GRIA1: variants seen among roughly 807,000 people sequenced by gnomAD.
The protein encoded by GRIA1 is glutamate ionotropic receptor AMPA type subunit 1, also known as glutamate receptor 1.
GRIA1 carries 31 observed loss-of-function variants against 99.2 expected under a neutral mutation model. The ratio of observed to expected loss-of-function variants is 0.31; its 90% confidence interval spans 0.23 to 0.42. The LOEUF is 0.42. Ranked by LOEUF, GRIA1 falls within the 10% of genes least tolerant of loss-of-function variation. The pLI is 1.00. For synonymous variants in GRIA1, 438 were observed against 432.4 expected, an observed-to-expected ratio of 1.01 and a Z score of -0.16; for missense variants, 782 against 1,157.5, an observed-to-expected ratio of 0.68 and a Z score of 4.71.
intron 5 of GRIA1, among the ~76,000 whole-genome samples, chr5:153,660,669 A>C (rs1174115632): frequency 6.6e-6 from 1 of 152,096 alleles, no homozygotes; most frequent in Non-Finnish European, 1.5e-5. Context: ...CATTTACTCC[A>C]TGGTTTAGGT....
intron 10 of GRIA1, 40 bp from the exon 11 acceptor site, chr5:153,705,657 C>T (rs1432757473): frequency 7.5e-7 from 1 of 1,331,272 alleles, no homozygotes; most frequent in African/African-American, 1.7e-5. Context: ...GCTGAGCTCA[C>T]CTGCATTTTT....
intron 2 of GRIA1, among the ~76,000 whole-genome samples, chr5:153,595,160 G>A (rs1764318480): frequency 6.6e-6 from 1 of 152,068 alleles, no homozygotes; most frequent in Admixed American, 6.5e-5. Context: ...TGATTTATGT[G>A]AGTTTGGGGG....
chr5:153,692,672 T>C (rs945011445), intron 8 of GRIA1, among the ~76,000 whole-genome samples: 3 of 152,190 alleles, frequency 2.0e-5, no homozygotes, highest in Admixed American at 6.5e-5. Flanking sequence ...TGTATTTTCT[T>C]CATACTTCTC....
upstream of GRIA1, chr5:153,489,642 G>A (rs1034074025): frequency 1.1e-5 from 3 of 268,284 alleles, no homozygotes; most frequent in Non-Finnish European, 2.3e-5. Context: ...GCGGCTAGTG[G>A]CTGCTGCTTT....
intron 2 of GRIA1, among the ~76,000 whole-genome samples, chr5:153,496,738 A>G (rs1754470930): frequency 6.6e-6 from 1 of 152,170 alleles, no homozygotes; most frequent in Non-Finnish European, 1.5e-5. Context: ...GGAAGAATGT[A>G]CTCATTACTG....
At chr5:153,763,744 G>T (rs1457180294) in intron 11 of GRIA1, among the ~76,000 whole-genome samples, 2 of 152,192 alleles carry the variant, frequency 1.3e-5, no homozygotes. Context: ...AATCTGAAAA[G>T]TTCAAAGATA....
intron 8 of GRIA1, 47 bp from the exon 9 acceptor site, chr5:153,697,997 A>G: frequency 1.9e-6 from 2 of 1,028,316 alleles, no homozygotes; most frequent in Non-Finnish European, 1.5e-6. Flanking sequence ...AGGCCAGTTC[A>G]GAGGAGGCTG....
At chr5:153,669,549 A>T (rs1219661513) in intron 5 of GRIA1, among the ~76,000 whole-genome samples, 1 of 152,188 alleles carries the variant, frequency 6.6e-6, no homozygotes, top group Non-Finnish European at 1.5e-5. Context: ...CCCACTTTCC[A>T]GTGACTAATG....
At chr5:153,790,231 C>T (rs1765213302) in intron 13 of GRIA1, among the ~76,000 whole-genome samples, 1 of 152,176 alleles carries the variant, frequency 6.6e-6, no homozygotes, top group African/African-American at 2.4e-5. Context: ...CCTGGAATAC[C>T]CACGTATTCT....
chr5:153,707,640 G>A (rs72802686), intron 11 of GRIA1, among the ~76,000 whole-genome samples: 2,792 of 152,218 alleles, frequency 0.018, 30 homozygotes, highest in Non-Finnish European at 0.028. Flanking sequence ...TGTGCTGGAG[G>A]CATCTTTACC....
intron 2 of GRIA1, among the ~76,000 whole-genome samples, chr5:153,632,441 G>A (rs994019703): frequency 6.6e-6 from 1 of 152,156 alleles, no homozygotes; most frequent in East Asian, 1.9e-4. Context: ...AGGCAGCTGG[G>A]TTTTCTTTTT....
At chr5:153,564,515 G>C (rs1296997617) in intron 2 of GRIA1, among the ~76,000 whole-genome samples, 1 of 152,176 alleles carries the variant, frequency 6.6e-6, no homozygotes, top group African/African-American at 2.4e-5. Flanking sequence ...GAGCACAATG[G>C]AGAAGGATGG....
In GRIA1 at chr5:153,802,471, G is replaced by C. The variant is rs1246850704; in HGVS notation, c.2501G>C (p.Ser834Thr). Residue 834 changes from serine to threonine, a missense_variant, in exon 15 of 16, where the codon AGT becomes ACT. Ser to Thr is a moderately conservative substitution (Grantham distance 58). Coordinates refer to ENST00000285900, the MANE Select transcript of GRIA1 (RefSeq NM_000827.4). Reference protein sequence around the residue: ...ALIEFCYKSRSESKRMKGFCL... With the variant: ...ALIEFCYKSRTESKRMKGFCL... ...ATCGAGTTCTGCTACAAATCCCGTA[G>C]TGAATCCAAGCGGATGAAGGTGGCA... 6.2e-7 allele frequency: 1 copy of C among 1,613,976 alleles called. No homozygotes were observed. The highest frequency in any genetic ancestry group is 8.5e-7 in the Non-Finnish European group (1 of 1,179,964).
At chr5:153,629,702 G>C (rs1275115853) in intron 2 of GRIA1, among the ~76,000 whole-genome samples, 1 of 152,186 alleles carries the variant, frequency 6.6e-6, no homozygotes, top group Non-Finnish European at 1.5e-5. Context: ...TGCCCTTTAG[G>C]ATCCTCATCT....
intron 2 of GRIA1, among the ~76,000 whole-genome samples, chr5:153,595,197 C>A (rs2149390539): frequency 6.6e-6 from 1 of 152,190 alleles, no homozygotes; most frequent in South Asian, 2.1e-4. Context: ...CATGTATGTT[C>A]CACATCACAT....
intron 11 of GRIA1, among the ~76,000 whole-genome samples, chr5:153,744,106 CG>C (rs1554122494): frequency 6.6e-6 from 1 of 152,044 alleles, no homozygotes; most frequent in Non-Finnish European, 1.5e-5. Context: ...GGCCCAGAGC[CG>C]GCTGTGTCTC....
At chr5:153,729,523 A>AT (rs1760856190) in intron 11 of GRIA1, among the ~76,000 whole-genome samples, 1 of 152,026 alleles carries the variant, frequency 6.6e-6, no homozygotes, top group East Asian at 1.9e-4. Context: ...GATTGGAGGT[A>AT]TTGGCTAAAT....
At chr5:153,784,966 C>T (rs1214935621) in intron 13 of GRIA1, among the ~76,000 whole-genome samples, 4 of 152,070 alleles carry the variant, frequency 2.6e-5, no homozygotes, top group African/African-American at 9.7e-5. Context: ...CTCTGGTCCC[C>T]ACTCCCAGCA....
chr5:153,623,429 T>C (rs1022487097), intron 2 of GRIA1, among the ~76,000 whole-genome samples: 2 of 152,152 alleles, frequency 1.3e-5, no homozygotes, highest in Admixed American at 6.5e-5. Flanking sequence ...CAGGGGCTTA[T>C]TATATGTTAG....
Sources: allele counts gnomAD v4.1 joint callset (sites outside exome capture counted in the v4.1 genomes callset), GRCh38; gene constraint gnomAD v4.1.1; transcripts MANE v1.5; gene names NCBI Gene and HGNC (gene_info 2026-07-23, HGNC 2026-07-21).